Variants in RIT2 observed in about 807,000 individuals in gnomAD.
RIT2 encodes GTP-binding protein Rit2.
Under a neutral mutation model 23.7 loss-of-function variants are expected in RIT2, and 24 were observed. The observed-to-expected ratio is 1.01, with a 90% confidence interval of 0.73 to 1.43. RIT2 has a LOEUF of 1.43. RIT2 is among the 40% of genes most tolerant of loss of function. RIT2 has a pLI of 0.00. For missense variants in RIT2, 236 were observed against 266.9 expected, an observed-to-expected ratio of 0.88 and a Z score of 0.81; for synonymous variants, 107 against 91.1, an observed-to-expected ratio of 1.17 and a Z score of -0.99.
At chr18:42,929,034 GATATATATAT>G (rs770619793) in intron 3 of RIT2, among the ~76,000 whole-genome samples, 7 of 96,956 alleles carry the variant, frequency 7.2e-5, no homozygotes, top group Admixed American at 6.4e-4. Flanking sequence ...AAAATATGGA[GATATATATAT>G]ATATATATAT....
At chr18:42,840,952 AC>A in intron 4 of RIT2, among the ~76,000 whole-genome samples, 1 of 152,326 alleles carries the variant, frequency 6.6e-6, no homozygotes, top group South Asian at 2.1e-4. Context: ...CCACTAGACT[AC>A]CTTCCGAAGT....
intron 3 of RIT2, among the ~76,000 whole-genome samples, chr18:42,935,892 T>G (rs1200145754): frequency 1.3e-5 from 2 of 151,986 alleles, no homozygotes; most frequent in Non-Finnish European, 2.9e-5. Context: ...GATGAAGGAT[T>G]TGGCCTGTGG....
rs141613587 is a variant in RIT2 at position 42,944,077 on chromosome 18, C to T, written c.235-20314G>A. The stretch of plus-strand genomic sequence containing the variant: ...AGTCTCTGAAATGTAAGCCACGTCA[C>T]GTCCCTTCCCTACTTTGAACTAGCT... On this transcript the variant is annotated intron_variant, in intron 3 of 4. Coordinates refer to ENST00000326695, the MANE Select transcript of RIT2 (RefSeq NM_002930.4). Among the ~76,000 whole-genome samples, 488 of 152,214 alleles carry T rather than the reference C, an allele frequency of 3.2e-3. 2 individuals are homozygous for T. The highest frequency in any genetic ancestry group is 0.011 in the African/African-American group (437 of 41,554).
chr18:43,039,116 T>C (rs538201774), intron 1 of RIT2, among the ~76,000 whole-genome samples: 3 of 152,334 alleles, frequency 2.0e-5, no homozygotes, highest in African/African-American at 7.2e-5. Flanking sequence ...TTCTGTTTAC[T>C]GTCAAGGACA....
intron 4 of RIT2, among the ~76,000 whole-genome samples, chr18:42,864,525 G>A (rs78951679): frequency 0.014 from 2,159 of 152,260 alleles, 62 homozygotes; most frequent in African/African-American, 0.05. Context: ...GTCTTCAAAC[G>A]AGAATAGCAC....
At chr18:42,937,728 G>A (rs763185270) in intron 3 of RIT2, among the ~76,000 whole-genome samples, 27 of 152,132 alleles carry the variant, frequency 1.8e-4, no homozygotes, top group Non-Finnish European at 3.7e-4. Flanking sequence ...GACAGGGATG[G>A]AATATTTCTG....
At chr18:43,093,010 T>G (rs970671806) in intron 1 of RIT2, among the ~76,000 whole-genome samples, 1 of 152,068 alleles carries the variant, frequency 6.6e-6, no homozygotes, top group Admixed American at 6.6e-5. Flanking sequence ...GGTTATAATT[T>G]CTACACAATA....
intron 1 of RIT2, among the ~76,000 whole-genome samples, chr18:43,041,386 G>A (rs565111290): frequency 6.6e-6 from 1 of 152,108 alleles, no homozygotes; most frequent in Admixed American, 6.5e-5. Context: ...TAGCAAGTAA[G>A]AATACTACCC....
intron 4 of RIT2, among the ~76,000 whole-genome samples, chr18:42,914,769 A>C (rs1393285206): frequency 6.6e-6 from 1 of 152,006 alleles, no homozygotes; most frequent in Non-Finnish European, 1.5e-5. Flanking sequence ...GCATGAGTAC[A>C]TGTATAACCA....
chr18:42,964,456 T>C (rs1172421269), intron 3 of RIT2, among the ~76,000 whole-genome samples: 1 of 152,118 alleles, frequency 6.6e-6, no homozygotes, highest in Non-Finnish European at 1.5e-5. Flanking sequence ...ACCATGGCAA[T>C]GTAAATTGAT....
chr18:42,788,362 C>T (rs1396531764), intron 4 of RIT2, among the ~76,000 whole-genome samples: 2 of 152,122 alleles, frequency 1.3e-5, no homozygotes, highest in Non-Finnish European at 2.9e-5. Flanking sequence ...TACACCAATA[C>T]TTGGCAAGAT....
At chr18:42,748,918 G>T (rs1912981096) in intron 4 of RIT2, among the ~76,000 whole-genome samples, 1 of 151,840 alleles carries the variant, frequency 6.6e-6, no homozygotes, top group African/African-American at 2.4e-5. Flanking sequence ...ATAAAAATAA[G>T]TAAAGAAATA....
At chr18:43,102,217 A>T (rs984631134) in intron 1 of RIT2, among the ~76,000 whole-genome samples, 12 of 152,194 alleles carry the variant, frequency 7.9e-5, no homozygotes, top group Admixed American at 4.6e-4. Flanking sequence ...CCCAGGAAAC[A>T]TATGTGGAAA....
In RIT2 at chr18:42,896,972, G is replaced by T. The variant is rs527608559; in HGVS notation, c.426+26600C>A. On this transcript the variant is annotated intron_variant, in intron 4 of 4. Transcript: ENST00000326695. ...ATCTGGTTTTCTTCACAAGGCTTGA[G>T]CATTTTAAATGACGCAGTCCTCTTC... Among the ~76,000 whole-genome samples, 10 of 152,268 alleles carry T rather than the reference G, an allele frequency of 6.6e-5. No homozygotes were observed. In the South Asian group the frequency reaches 2.1e-3, roughly 32 times the overall value.
intron 2 of RIT2, among the ~76,000 whole-genome samples, chr18:43,018,778 T>C (rs536623838): frequency 6.6e-6 from 1 of 152,084 alleles, no homozygotes; most frequent in South Asian, 2.1e-4. Context: ...TTGTCACCAC[T>C]AGACTAGCCC....
At position 42,743,448 on chromosome 18, in the gene RIT2, A is replaced by G. The variant is rs1000281921; in HGVS notation, c.*45T>C. ...CAGAATGCTACATATGGAATTGTCC[A>G]ACTAATAAAATTCAGAGAGCGTGAG... On this transcript the variant is annotated 3_prime_UTR_variant, in exon 5 of 5. Transcript: ENST00000326695. 1 of 1,344,478 alleles carries G rather than the reference A, an allele frequency of 7.4e-7. No homozygotes were observed. Among genetic ancestry groups the G allele is most frequent in the Non-Finnish European group, 1.1e-6 (1 of 939,530 alleles). 83.3% of individuals were successfully genotyped at this position (1,344,478 alleles called of 1,614,324 possible).
At chr18:42,821,610 G>A (rs915397050) in intron 4 of RIT2, among the ~76,000 whole-genome samples, 2 of 152,018 alleles carry the variant, frequency 1.3e-5, no homozygotes, top group Non-Finnish European at 2.9e-5. Context: ...TAGACATCCC[G>A]CAATGCACAG....
chr18:42,889,958 G>C (rs991769373), intron 4 of RIT2, among the ~76,000 whole-genome samples: 6 of 152,024 alleles, frequency 3.9e-5, no homozygotes, highest in African/African-American at 1.4e-4. Flanking sequence ...CAAAGGACAT[G>C]CATTAAAGAG....
intron 4 of RIT2, among the ~76,000 whole-genome samples, chr18:42,883,939 A>G (rs142222982): frequency 2.0e-5 from 3 of 152,348 alleles, no homozygotes; most frequent in African/African-American, 7.2e-5. Context: ...AATGCTATAC[A>G]TTATAAAAGT....
Sources: gnomAD v4.1 joint callset for allele counts (sites outside exome capture counted in the v4.1 genomes callset) on GRCh38, gnomAD v4.1.1 for gene constraint, MANE v1.5 for transcripts, NCBI Gene and HGNC (gene_info 2026-07-23, HGNC 2026-07-21) for gene names.